Variants in CENPM observed in about 807,000 individuals in gnomAD.
The protein encoded by CENPM is centromere protein M, also known as interphase centromere complex protein 39.
CENPM carries 14 observed loss-of-function variants against 19.6 expected under a neutral mutation model. The observed-to-expected ratio is 0.71, with a 90% CI of 0.47 to 1.11. CENPM has a LOEUF of 1.11. Among genes scored for constraint, CENPM ranks in the 50% most tolerant of loss-of-function variants. CENPM has a pLI of 0.00. For missense variants in CENPM, 239 were observed against 228.4 expected, an observed-to-expected ratio of 1.05 and a Z score of -0.30; for synonymous variants, 114 against 101.5, an observed-to-expected ratio of 1.12 and a Z score of -0.74.
intron 4 of CENPM, 63 bp from the exon 5 acceptor site, chr22:41,943,764 T>G: frequency 6.8e-7 from 1 of 1,466,370 alleles, no homozygotes; most frequent in Non-Finnish European, 9.4e-7. Context: ...ATTCAGGAAG[T>G]GCTGGGCAGA....
At position 41,943,664 on chromosome 22, in the gene CENPM, G is replaced by A. The variant is rs765041411; in HGVS notation, c.348C>T (p.Thr116=). The change falls in exon 5 of 6, where the codon ACC becomes ACT. Residue 116 remains threonine (T), a synonymous_variant. Transcript: ENST00000215980. The part of the protein sequence containing the change: ...RESHCSIHRH[T]VVKLAHTYQS... ...GATAGGTGTGGGCCAGCTTCACCACGGTGTGCCGGTGAATGCTGCAGTGGC... is the reference window on the plus strand; with the variant it reads ...GATAGGTGTGGGCCAGCTTCACCACAGTGTGCCGGTGAATGCTGCAGTGGC... 3.1e-6 allele frequency: 5 copies of A among 1,613,612 alleles called. No homozygotes were observed. Among genetic ancestry groups the A allele is most frequent in the South Asian group, 2.2e-5 (2 of 90,998 alleles).
intron 1 of CENPM, 112 bp downstream of exon 1, chr22:41,946,908 C>T: frequency 8.9e-7 from 1 of 1,119,634 alleles, no homozygotes; most frequent in Non-Finnish European, 1.3e-6. Flanking sequence ...TCCCCGCCCC[C>T]GCCACGGTAG....
chr22:41,944,393 G>A (rs73165152), intron 4 of CENPM, among the ~76,000 whole-genome samples: 16,590 of 142,674 alleles, frequency 0.12, 1,518 homozygotes, highest in Admixed American at 0.3. Context: ...CTGAGATCAC[G>A]CCATAGCACT....
At chr22:41,941,230 A>C (rs748089721) in intron 5 of CENPM, among the ~76,000 whole-genome samples, 7 of 152,208 alleles carry the variant, frequency 4.6e-5, no homozygotes, top group Non-Finnish European at 1.0e-4. Flanking sequence ...CAAAGGCCTC[A>C]AGATATATGG....
At chr22:41,930,939 C>T in the CENPM span, among the ~76,000 whole-genome samples, 735 of 151,120 alleles carry the variant, frequency 4.9e-3, 6 homozygotes, top group Middle Eastern at 0.021. Flanking sequence ...TGGGTTCAAG[C>T]GATTCTCGTG....
At chr22:41,934,146 C>T (rs1157232814), downstream of CENPM, among the ~76,000 whole-genome samples, 1 of 152,216 alleles carries the variant, frequency 6.6e-6, no homozygotes, top group Admixed American at 6.5e-5. Flanking sequence ...CTGCTCCTGC[C>T]TCTGCTCACC....
intron 4 of CENPM, 59 bp downstream of exon 4, chr22:41,945,166 G>A (rs775350657): frequency 3.4e-5 from 54 of 1,611,548 alleles, no homozygotes; most frequent in South Asian, 1.7e-4. Flanking sequence ...AGAAGCCTAC[G>A]GCCGCCCCAG....
At chr22:41,946,651 G>T in intron 1 of CENPM, 155 bp from the exon 2 acceptor site, 2 of 654,382 alleles carry the variant, frequency 3.1e-6, no homozygotes, top group Admixed American at 2.7e-5. Flanking sequence ...AGCGGCACGG[G>T]CTGGGGGCCT....
intron 3 of CENPM, 90 bp downstream of exon 3, chr22:41,945,820 TCAC>T: frequency 1.0e-6 from 1 of 999,482 alleles, no homozygotes; most frequent in Admixed American, 2.5e-5. Context: ...TCTCCCATCC[TCAC>T]CACTTCCCAT....
chr22:41,943,872 T>G (rs183418181), intron 4 of CENPM, among the ~76,000 whole-genome samples, 171 bp from the exon 5 acceptor site: 1 of 152,274 alleles, frequency 6.6e-6, no homozygotes, highest in African/African-American at 2.4e-5. Context: ...AATATCAAAT[T>G]AGACAATGAA....
the CENPM span, among the ~76,000 whole-genome samples, chr22:41,927,356 G>A: frequency 2.0e-5 from 3 of 152,056 alleles, no homozygotes; most frequent in Non-Finnish European, 4.4e-5. Flanking sequence ...GATGGACCCC[G>A]CAGCCAGGAC....
At chr22:41,936,556 G>A (rs905557346), downstream of CENPM, among the ~76,000 whole-genome samples, 4 of 152,290 alleles carry the variant, frequency 2.6e-5, no homozygotes, top group South Asian at 2.1e-4. Flanking sequence ...CCGCATCCCC[G>A]ACACCTACAA....
chr22:41,931,499 A>C, the CENPM span, among the ~76,000 whole-genome samples: 1 of 151,926 alleles, frequency 6.6e-6, no homozygotes, highest in Non-Finnish European at 1.5e-5. Context: ...AAAAATAATA[A>C]TAAAATAACA....
rs1336140421 is a variant in CENPM, at chr22:41,943,654, G to A, written c.358C>T (p.Leu120=). The change falls in exon 5 of 6, where the codon CTG becomes TTG. Residue 120 remains leucine (L), a synonymous_variant. Coordinates refer to ENST00000215980, the MANE Select transcript of CENPM (RefSeq NM_024053.5). ...AGGGGGCTTTGATAGGTGTGGGCCA[G>A]CTTCACCACGGTGTGCCGGTGAATG... ...CSIHRHTVVK[L]AHTYQSPLLY... 3 of 1,613,876 alleles carry A rather than the reference G, an allele frequency of 1.9e-6. No individual in the cohort carries two copies. The highest frequency in any genetic ancestry group is 1.7e-6 in the Non-Finnish European group (2 of 1,179,944).
intron 4 of CENPM, chr22:41,944,165 C>T (rs1248505781): frequency 3.6e-5 from 35 of 985,036 alleles, no homozygotes; most frequent in Non-Finnish European, 4.1e-5. Flanking sequence ...AGAGGACGGC[C>T]GGGTGCGGTG....
intron 1 of CENPM, chr22:41,946,747 A>G: frequency 3.3e-6 from 2 of 598,292 alleles, no homozygotes; most frequent in South Asian, 2.0e-5. Flanking sequence ...CCAGGAGGCC[A>G]GACCCCCAGA....
At chr22:41,945,166 G>C (rs775350657) in intron 4 of CENPM, 59 bp downstream of exon 4, 42 of 1,611,550 alleles carry the variant, frequency 2.6e-5, no homozygotes, top group Non-Finnish European at 3.4e-5. Context: ...AGAAGCCTAC[G>C]GCCGCCCCAG....
the CENPM span, among the ~76,000 whole-genome samples, chr22:41,933,234 G>A: frequency 6.6e-6 from 1 of 152,062 alleles, no homozygotes. Context: ...TAGCACGACT[G>A]GTCCCACTTT....
At chr22:41,939,665 T>C (rs1274969643) in intron 5 of CENPM, among the ~76,000 whole-genome samples, 1 of 150,588 alleles carries the variant, frequency 6.6e-6, no homozygotes, top group Non-Finnish European at 1.5e-5. Context: ...CAAAAAGGAA[T>C]GGGCCCAGGG....
Sources: allele counts gnomAD v4.1 joint callset (sites outside exome capture counted in the v4.1 genomes callset), GRCh38; gene constraint gnomAD v4.1.1; transcripts MANE v1.5; gene names NCBI Gene and HGNC (gene_info 2026-07-23, HGNC 2026-07-21).